TNFSF4: variants seen among roughly 807,000 people sequenced by gnomAD.
The protein encoded by TNFSF4 is TNF superfamily member 4, also known as tumor necrosis factor ligand superfamily member 4.
Under a neutral mutation model 7.3 loss-of-function variants are expected in TNFSF4, and 4 were observed. That is an observed-to-expected ratio of 0.55 (90% confidence interval 0.27 to 1.25). The LOEUF is 1.25. Among genes scored for constraint, TNFSF4 ranks in the 50% most tolerant of loss-of-function variants. The pLI is 0.12. For missense variants in TNFSF4, 181 were observed against 208.8 expected (o/e 0.87, Z 0.82); for synonymous variants, 76 against 83.7 (o/e 0.91, Z 0.50).
At chr1:173,372,576 G>A in the TNFSF4 span, among the ~76,000 whole-genome samples, 1 of 152,192 alleles carries the variant, frequency 6.6e-6, no homozygotes, top group Non-Finnish European at 1.5e-5. Flanking sequence ...CTGTTTACAG[G>A]TAGTTGCAGT....
At chr1:173,230,914 A>G in the TNFSF4 span, among the ~76,000 whole-genome samples, 3 of 152,234 alleles carry the variant, frequency 2.0e-5, no homozygotes, top group Admixed American at 6.5e-5. Flanking sequence ...GAATCCCTGA[A>G]TGGACCTATA....
chr1:173,288,703 T>G, the TNFSF4 span, among the ~76,000 whole-genome samples: 1 of 152,026 alleles, frequency 6.6e-6, no homozygotes, highest in Non-Finnish European at 1.5e-5. Context: ...ATTAAAACTC[T>G]CATATCTTTT....
the TNFSF4 span, among the ~76,000 whole-genome samples, chr1:173,381,495 G>C: frequency 6.6e-6 from 1 of 152,124 alleles, no homozygotes; most frequent in Non-Finnish European, 1.5e-5. Context: ...TAACCTCCTT[G>C]TCAAATGTGT....
At chr1:173,443,831 G>A in the TNFSF4 span, among the ~76,000 whole-genome samples, 2 of 152,258 alleles carry the variant, frequency 1.3e-5, no homozygotes, top group Middle Eastern at 3.4e-3. Context: ...AGAACTCCCT[G>A]ATGCTACAAA....
the TNFSF4 span, among the ~76,000 whole-genome samples, chr1:173,422,325 T>TCA: frequency 6.2e-5 from 1 of 16,154 alleles, no homozygotes; most frequent in African/African-American, 2.9e-4. Flanking sequence ...GTGCCCAGAG[T>TCA]GAAAAAAAAA....
the TNFSF4 span, among the ~76,000 whole-genome samples, chr1:173,364,181 T>G: frequency 1.1e-3 from 161 of 149,776 alleles, 1 homozygote; most frequent in Non-Finnish European, 2.1e-3. Flanking sequence ...GGGGATTAAT[T>G]TAATTATACT....
chr1:173,233,699 G>A, the TNFSF4 span, among the ~76,000 whole-genome samples: 8 of 152,058 alleles, frequency 5.3e-5, no homozygotes, highest in Non-Finnish European at 7.4e-5. Flanking sequence ...GGAAATAGTC[G>A]CTGAATTAAA....
At chr1:173,203,070 T>C (rs922272822) in intron 1 of TNFSF4, among the ~76,000 whole-genome samples, 5 of 152,180 alleles carry the variant, frequency 3.3e-5, no homozygotes, top group African/African-American at 1.2e-4. Context: ...CTCCAATGGA[T>C]GTTTATATCG....
the TNFSF4 span, among the ~76,000 whole-genome samples, chr1:173,332,639 A>C: frequency 1.6e-4 from 25 of 152,334 alleles, no homozygotes; most frequent in African/African-American, 5.8e-4. Flanking sequence ...GTGGATCACG[A>C]GGTCAGGAGT....
the TNFSF4 span, among the ~76,000 whole-genome samples, chr1:173,258,027 C>T: frequency 1.3e-5 from 2 of 152,210 alleles, no homozygotes; most frequent in African/African-American, 2.4e-5. Flanking sequence ...TATCAGGGCC[C>T]ACCATTAATA....
chr1:173,319,443 G>A, the TNFSF4 span, among the ~76,000 whole-genome samples: 1 of 152,186 alleles, frequency 6.6e-6, no homozygotes. Context: ...TGTACCTGCT[G>A]ACTCTGAAGA....
At chr1:173,318,473 TA>T in the TNFSF4 span, among the ~76,000 whole-genome samples, 28 of 152,254 alleles carry the variant, frequency 1.8e-4, no homozygotes, top group African/African-American at 6.7e-4. Context: ...CAAAGCAAGG[TA>T]GGCATTCTTA....
the TNFSF4 span, among the ~76,000 whole-genome samples, chr1:173,430,578 G>A: frequency 6.6e-5 from 10 of 152,146 alleles, no homozygotes; most frequent in African/African-American, 1.2e-4. Context: ...TTATAACTTG[G>A]TATTCACATT....
chr1:173,328,577 A>C, the TNFSF4 span, among the ~76,000 whole-genome samples: 1 of 151,670 alleles, frequency 6.6e-6, no homozygotes, highest in African/African-American at 2.4e-5. Flanking sequence ...CAAAAAAAAA[A>C]CCCTAGATGA....
the TNFSF4 span, among the ~76,000 whole-genome samples, chr1:173,310,685 T>A: frequency 6.6e-6 from 1 of 151,596 alleles, no homozygotes; most frequent in Non-Finnish European, 1.5e-5. Flanking sequence ...TTTTTTTTCT[T>A]TGTCTGTTAT....
At chr1:173,350,447 G>A in the TNFSF4 span, among the ~76,000 whole-genome samples, 1 of 152,098 alleles carries the variant, frequency 6.6e-6, no homozygotes, top group Admixed American at 6.5e-5. Context: ...TCAGAACAAG[G>A]CAAGTGGGTG....
chr1:173,342,070 T>C, the TNFSF4 span, among the ~76,000 whole-genome samples: 2 of 152,132 alleles, frequency 1.3e-5, no homozygotes, highest in Non-Finnish European at 1.5e-5. Flanking sequence ...GCAAGGGCAT[T>C]TGGTTGCCAA....
At chr1:173,360,344 A>G in the TNFSF4 span, among the ~76,000 whole-genome samples, 1 of 152,258 alleles carries the variant, frequency 6.6e-6, no homozygotes, top group African/African-American at 2.4e-5. Flanking sequence ...TTGTCTGACA[A>G]GTCACTGCTG....
At chr1:173,370,341 A>G in the TNFSF4 span, among the ~76,000 whole-genome samples, 1 of 152,226 alleles carries the variant, frequency 6.6e-6, no homozygotes, top group African/African-American at 2.4e-5. Flanking sequence ...ACAGCCGAAG[A>G]AAGGGGAGAA....
Sources: gnomAD v4.1 joint callset for allele counts (sites outside exome capture counted in the v4.1 genomes callset) on GRCh38, gnomAD v4.1.1 for gene constraint, MANE v1.5 for transcripts, NCBI Gene and HGNC (gene_info 2026-07-23, HGNC 2026-07-21) for gene names.